IQUB: variants seen among roughly 807,000 people sequenced by gnomAD.
IQUB encodes the protein IQ motif and ubiquitin domain containing.
Under a neutral mutation model 86.4 loss-of-function variants are expected in IQUB, and 86 were observed. The observed-to-expected ratio is 1.00, with a 90% CI of 0.84 to 1.19. The LOEUF is 1.19. Among genes scored for constraint, IQUB ranks in the 50% most tolerant of loss-of-function variants. The probability of loss-of-function intolerance (pLI) is 0.00; values close to 1 mark genes in which losing one functional copy is unlikely to be tolerated. For missense variants in IQUB, 946 were observed against 916.9 expected (o/e 1.03, Z -0.41); for synonymous variants, 289 against 304.5 (o/e 0.95, Z 0.53).
In IQUB at chr7:123,512,029, T is replaced by C; in HGVS notation, c.312A>G (p.Pro104=). The change falls in exon 2 of 13, where the codon CCA becomes CCG. Residue 104 remains proline, a synonymous_variant. Transcript: ENST00000324698. ...CCAGAAATGCCAAACTATCATCATTTGGCCTCTGCATTGCATATTGCTTTT... is the reference window on the plus strand; with the variant it reads ...CCAGAAATGCCAAACTATCATCATTCGGCCTCTGCATTGCATATTGCTTTT... ...HHEKQYAMQR[P]NDDSLAFLDK... 1.9e-6 allele frequency: 3 copies of C among 1,613,600 alleles called. No individual in the cohort carries two copies. The highest frequency in any genetic ancestry group is 2.5e-6 in the Non-Finnish European group (3 of 1,179,524).
intron 7 of IQUB, among the ~76,000 whole-genome samples, chr7:123,494,916 T>A (rs1795643594): frequency 1.3e-5 from 2 of 152,176 alleles, no homozygotes; most frequent in South Asian, 2.1e-4. Flanking sequence ...TTTGCACAGT[T>A]GTCTGTTAAC....
At chr7:123,455,378 C>T (rs1793643500) in intron 12 of IQUB, among the ~76,000 whole-genome samples, 1 of 152,064 alleles carries the variant, frequency 6.6e-6, no homozygotes, top group African/African-American at 2.4e-5. Context: ...CTCCCTGTTC[C>T]CTCAACCTCT....
chr7:123,453,968 C>G (rs1337753184), intron 12 of IQUB, among the ~76,000 whole-genome samples: 1 of 152,084 alleles, frequency 6.6e-6, no homozygotes, highest in Non-Finnish European at 1.5e-5. Flanking sequence ...ACCTATACTT[C>G]TTCCTAAAAT....
chr7:123,488,097 G>A (rs1044099257), intron 7 of IQUB, among the ~76,000 whole-genome samples: 2 of 151,842 alleles, frequency 1.3e-5, no homozygotes, highest in South Asian at 2.1e-4. Flanking sequence ...TGTAATCCCA[G>A]CACTTTGGGA....
intron 7 of IQUB, among the ~76,000 whole-genome samples, chr7:123,488,308 T>C (rs1795300960): frequency 7.0e-6 from 1 of 142,044 alleles, no homozygotes; most frequent in African/African-American, 2.7e-5. Context: ...ACCACTCCAC[T>C]CCAGCCTGGG....
chr7:123,529,256 GTTTA>G (rs906642840), intron 1 of IQUB, among the ~76,000 whole-genome samples: 2 of 151,818 alleles, frequency 1.3e-5, no homozygotes, highest in African/African-American at 4.8e-5. Flanking sequence ...ATTTAAATTT[GTTTA>G]TGATCATATC....
At chr7:123,505,659 C>A (rs113886928) in intron 3 of IQUB, among the ~76,000 whole-genome samples, 12,299 of 152,214 alleles carry the variant, frequency 0.081, 568 homozygotes, top group African/African-American at 0.12. Flanking sequence ...CCCAAACGGC[C>A]CTGGGCCTAG....
At chr7:123,482,473 T>A (rs1795051820) in intron 7 of IQUB, among the ~76,000 whole-genome samples, 1 of 151,954 alleles carries the variant, frequency 6.6e-6, no homozygotes, top group Non-Finnish European at 1.5e-5. Context: ...CACAGAACAA[T>A]TAAACTAGAA....
intron 3 of IQUB, among the ~76,000 whole-genome samples, chr7:123,506,766 T>C (rs1385843398): frequency 3.3e-5 from 5 of 152,128 alleles, no homozygotes; most frequent in South Asian, 2.1e-4. Context: ...CAGAGAAGCA[T>C]ATATGCAGAA....
chr7:123,471,809 T>C (rs544529040), intron 8 of IQUB, among the ~76,000 whole-genome samples: 2 of 152,322 alleles, frequency 1.3e-5, no homozygotes, highest in South Asian at 4.1e-4. Flanking sequence ...GTATGTGAAA[T>C]CCTATTGCAC....
chr7:123,468,412 G>A (rs577676817), intron 9 of IQUB, among the ~76,000 whole-genome samples: 18 of 152,306 alleles, frequency 1.2e-4, no homozygotes, highest in Non-Finnish European at 2.2e-4. Context: ...AGGCAGCAGC[G>A]TGTGTATTCT....
intron 1 of IQUB, among the ~76,000 whole-genome samples, chr7:123,514,539 T>A (rs556039587): frequency 6.6e-6 from 1 of 151,970 alleles, no homozygotes; most frequent in African/African-American, 2.4e-5. Flanking sequence ...TAATATATAA[T>A]TGAGAAGGGA....
At chr7:123,521,651 AACACAC>A (rs150359350) in intron 1 of IQUB, among the ~76,000 whole-genome samples, 10 of 144,416 alleles carry the variant, frequency 6.9e-5, no homozygotes, top group African/African-American at 1.6e-4. Flanking sequence ...TGTCTAAATA[AACACAC>A]ACACACACAC....
At chr7:123,489,117 G>A (rs1795345545) in intron 7 of IQUB, among the ~76,000 whole-genome samples, 1 of 152,198 alleles carries the variant, frequency 6.6e-6, no homozygotes, top group Non-Finnish European at 1.5e-5. Flanking sequence ...TACCTTGCAG[G>A]AGTGGAAGTG....
intron 2 of IQUB, 145 bp from the exon 3 acceptor site, chr7:123,510,180 C>A: frequency 1.7e-6 from 1 of 571,550 alleles, no homozygotes; most frequent in Non-Finnish European, 3.0e-6. Flanking sequence ...CCTGCTGTGC[C>A]CCAATGATAA....
chr7:123,463,512 G>A (rs558435603), intron 10 of IQUB, among the ~76,000 whole-genome samples: 1 of 151,872 alleles, frequency 6.6e-6, no homozygotes, highest in Admixed American at 6.6e-5. Context: ...AATATGCTAA[G>A]TGAAAGAAGT....
chr7:123,492,716 T>C (rs920167499), intron 7 of IQUB, among the ~76,000 whole-genome samples: 12 of 152,116 alleles, frequency 7.9e-5, no homozygotes, highest in African/African-American at 2.9e-4. Context: ...GATGAGTGAA[T>C]GAGAAGGGGT....
At chr7:123,523,502 T>C (rs2117336553) in intron 1 of IQUB, among the ~76,000 whole-genome samples, 1 of 152,342 alleles carries the variant, frequency 6.6e-6, no homozygotes, top group Middle Eastern at 3.4e-3. Context: ...AAATGTCTTC[T>C]TTTGAGAAGT....
intron 1 of IQUB, among the ~76,000 whole-genome samples, chr7:123,522,917 C>T (rs989218510): frequency 1.7e-4 from 25 of 145,206 alleles, no homozygotes; most frequent in Middle Eastern, 3.8e-3. Flanking sequence ...TGTGTTCTCA[C>T]TGTTCAATTC....
Sources: allele counts gnomAD v4.1 joint callset (sites outside exome capture counted in the v4.1 genomes callset), GRCh38; gene constraint gnomAD v4.1.1; transcripts MANE v1.5; gene names NCBI Gene and HGNC (gene_info 2026-07-23, HGNC 2026-07-21).